KCNV2: variants seen among roughly 807,000 people sequenced by gnomAD.
The protein encoded by KCNV2 is potassium voltage-gated channel modifier subfamily V member 2, also known as potassium voltage-gated channel subfamily V member 2.
KCNV2 carries 65 observed loss-of-function variants against 37.0 expected under a neutral mutation model. The observed-to-expected ratio is 1.76, with a 90% CI of 1.44 to 2.16. The LOEUF (loss-of-function observed/expected upper bound fraction) is 2.16. Ranked by LOEUF, KCNV2 falls within the 30% of genes most tolerant of loss-of-function variation. KCNV2 has a pLI of 0.00. For missense variants in KCNV2, 1,232 were observed against 766.7 expected, an observed-to-expected ratio of 1.61 and a Z score of -7.17; for synonymous variants, 518 against 328.6, an observed-to-expected ratio of 1.58 and a Z score of -6.23.
chr9:2,719,725 T>C (rs1033348782), intron 1 of KCNV2, among the ~76,000 whole-genome samples: 2 of 152,246 alleles, frequency 1.3e-5, no homozygotes, highest in African/African-American at 4.8e-5. Flanking sequence ...ACAGAGAGTT[T>C]GAATGTGGAC....
Position 2,718,864 on chromosome 9 carries a change from G to A in KCNV2, c.1125G>A (p.Val375=). The A allele has an allele frequency of 6.2e-7, 1 of 1,609,058 alleles. No individual in the cohort carries two copies. The change falls in exon 1 of 2, where the codon GTG becomes GTA. Residue 375 remains valine (V), a synonymous_variant. Transcript: ENST00000382082. ...TVGSVGKVGQ[V]LRVMRLMRIF... is the part of the protein sequence containing the mutation. ...GCAGCGTGGGTAAGGTGGGTCAGGT[G>A]TTGCGCGTCATGCGCCTCATGCGCA...
In KCNV2 at chr9:2,718,550, C is replaced by G. The variant is rs1284525833; in HGVS notation, c.811C>G (p.Leu271Val). The stretch of plus-strand genomic sequence containing the variant: ...CGGGGTGGCCTCCAGCACCTTCGTG[C>G]TCGTCTCCGTGGTGGCGCTGGCGCT... The part of the protein sequence containing the change: ...AIGVASSTFV[L>V]VSVVALALNT... The change falls in exon 1 of 2, where the codon CTC becomes GTC. Residue 271 changes from leucine to valine, a missense_variant. Leu to Val is a conservative substitution (Grantham distance 32). Transcript: ENST00000382082. The G allele has an allele frequency of 2.5e-6, 4 of 1,611,958 alleles. No individual in the cohort carries two copies. In the African/African-American group the frequency reaches 5.3e-5, roughly 22 times the overall value.
chr9:2,718,800 G>T lies in KCNV2; in HGVS notation c.1061G>T (p.Cys354Phe). 6.2e-7 allele frequency: 1 copy of T among 1,610,498 alleles called. No homozygotes were observed. The highest frequency in any genetic ancestry group is 8.5e-7 in the Non-Finnish European group (1 of 1,179,904). ...LPLYLQLLLE[C>F]FTGEGHQRGQ... ...CTCTACCTTCAGCTGCTGCTCGAGTGCTTCACGGGCGAGGGCCACCAACGC... is the reference window on the plus strand; with the variant it reads ...CTCTACCTTCAGCTGCTGCTCGAGTTCTTCACGGGCGAGGGCCACCAACGC... Residue 354 changes from cysteine (C) to phenylalanine (F), a missense_variant, in exon 1 of 2, where the codon TGC (cysteine) becomes TTC (phenylalanine). By Grantham distance (205) the Cys-to-Phe change is radical. Transcript: ENST00000382082.
chr9:2,717,869 C>T lies in KCNV2; in HGVS notation c.130C>T (p.His44Tyr), dbSNP rs527441501. The change falls in exon 1 of 2, where the codon CAC becomes TAC. Residue 44 changes from histidine to tyrosine, a missense_variant. Physicochemically the swap from His to Tyr is moderately conservative, Grantham distance 83. Transcript: ENST00000382082. The part of the protein sequence containing the change: ...GARSGSQASI[H>Y]GWTEGNYNYY... ...CCGTTCCGGCTCCCAGGCCAGCATC[C>T]ACGGCTGGACAGAGGGCAACTATAA... is the stretch of plus-strand genomic sequence containing the variant. 1.7e-5 allele frequency: 27 copies of T among 1,614,180 alleles called. No homozygotes were observed. The highest frequency in any genetic ancestry group is 1.0e-4 in the Admixed American group (6 of 60,030).
At chr9:2,728,388 T>G (rs1303281425) in intron 1 of KCNV2, among the ~76,000 whole-genome samples, 2 of 152,172 alleles carry the variant, frequency 1.3e-5, no homozygotes, top group African/African-American at 4.8e-5. Context: ...TCTAGTAATT[T>G]AGCCAATACT....
At position 2,718,116 on chromosome 9, in the gene KCNV2, T is replaced by A. The variant is rs776275880; in HGVS notation, c.377T>A (p.Leu126Gln). 1.6e-5 allele frequency: 26 copies of A among 1,601,708 alleles called. No homozygotes were observed. The highest frequency in any genetic ancestry group is 2.2e-5 in the Non-Finnish European group (26 of 1,174,600). The stretch of plus-strand genomic sequence containing the variant: ...TTCCCCAAGACGCGCCTAGGTCGCC[T>A]GGCCACCTCCACCAGCCGCAGCCGC... ...AGFPKTRLGR[L>Q]ATSTSRSRQL... Residue 126 changes from leucine to glutamine, a missense_variant, in exon 1 of 2, where the codon CTG (leucine) becomes CAG (glutamine). By Grantham distance (113) the Leu-to-Gln change is moderately radical. Transcript: ENST00000382082.
chr9:2,728,330 A>C (rs745885119), intron 1 of KCNV2, among the ~76,000 whole-genome samples: 3 of 152,204 alleles, frequency 2.0e-5, no homozygotes, highest in Non-Finnish European at 4.4e-5. Context: ...GGAGTAGTGC[A>C]ACGCAAAAAT....
At position 2,717,566 on chromosome 9, in the gene KCNV2, G is replaced by T. The variant is rs1006883417; in HGVS notation, c.-174G>T. The T allele has an allele frequency of 2.7e-6, 2 of 746,454 alleles. No individual in the cohort carries two copies. The highest frequency in any genetic ancestry group is 4.5e-6 in the Non-Finnish European group (2 of 447,904). The allele number at this position is 746,454 out of a possible 1,614,324, so 46.2% of individuals were successfully genotyped here. ...CTGCAGGCTGGGCTGGCCTGCCCAG[G>T]ACCTGAGAAGGGGCAGCTCCGGTGG... On this transcript the variant is annotated 5_prime_UTR_variant, in exon 1 of 2. Transcript: ENST00000382082.
chr9:2,720,162 A>G (rs1449426114), intron 1 of KCNV2, among the ~76,000 whole-genome samples: 1 of 152,256 alleles, frequency 6.6e-6, no homozygotes, highest in Non-Finnish European at 1.5e-5. Context: ...TGTGTATGTC[A>G]TAACCCATAG....
rs371248089 is a variant in KCNV2 at position 2,718,652 on chromosome 9, G to T, written c.913G>T (p.Val305Leu). ...AGACCTGCGGCCCATCCTGGAGCAC[G>T]TGGAGATGCTGTGCATGGGCTTCTT... is the stretch of plus-strand genomic sequence containing the variant. ...GPDLRPILEH[V>L]EMLCMGFFTL... Residue 305 changes from valine (V) to leucine (L), a missense_variant, in exon 1 of 2, where the codon GTG (valine) becomes TTG (leucine). Val to Leu is a conservative substitution (Grantham distance 32). Coordinates refer to ENST00000382082, the MANE Select transcript of KCNV2 (RefSeq NM_133497.4). The T allele has an allele frequency of 6.2e-7, 1 of 1,613,330 alleles. No homozygotes were observed. The highest frequency in any genetic ancestry group is 2.2e-5 in the East Asian group (1 of 44,856).
chr9:2,718,201 C>T lies in KCNV2; in HGVS notation c.462C>T (p.Asp154=), dbSNP rs1379469932. 3 of 1,613,498 alleles carry T rather than the reference C, an allele frequency of 1.9e-6. No individual in the cohort carries two copies. The highest frequency in any genetic ancestry group is 3.3e-5 in the Admixed American group (2 of 59,992). The change falls in exon 1 of 2, where the codon GAC becomes GAT. Residue 154 remains aspartate, a synonymous_variant. Transcript: ENST00000382082. ...EQTDEYFFDR[D]PAVFQLVYNF... is the part of the protein sequence containing the mutation. ...CAGACGAATACTTCTTCGACCGCGA[C>T]CCGGCCGTCTTCCAGCTGGTCTACA...
At chr9:2,724,709 A>C (rs1311975171) in intron 1 of KCNV2, among the ~76,000 whole-genome samples, 1 of 152,216 alleles carries the variant, frequency 6.6e-6, no homozygotes, top group African/African-American at 2.4e-5. Flanking sequence ...GGAGGAATGA[A>C]GGCAGAAACC....
rs749403107 is a variant in KCNV2, at chr9:2,718,049, G to C, written c.310G>C (p.Gly104Arg). The C allele has an allele frequency of 1.2e-6, 2 of 1,609,168 alleles. No individual in the cohort carries two copies. Among genetic ancestry groups the C allele is most frequent in the African/African-American group, 2.7e-5 (2 of 74,888 alleles). ...ALLSTLNVNV[G>R]GHSYQLDYCE... ...GCTGTCCACGCTGAATGTGAACGTG[G>C]GTGGCCACAGCTACCAGCTGGACTA... Residue 104 changes from glycine (G) to arginine (R), a missense_variant, in exon 1 of 2, where the codon GGT (glycine) becomes CGT (arginine). By Grantham distance (125) the Gly-to-Arg change is moderately radical. Transcript: ENST00000382082.
rs1004377553 is a variant in KCNV2, at chr9:2,729,847, C to T, written c.*120C>T. On this transcript the variant is annotated 3_prime_UTR_variant, in exon 2 of 2. Transcript: ENST00000382082. ...AAGCAGACATACACAAAGGCCATTT[C>T]GTTCACAAAGTACTGCCTCTAGAAA... 6.6e-6 allele frequency: 7 copies of T among 1,058,908 alleles called. No individual in the cohort carries two copies. The highest frequency in any genetic ancestry group is 6.3e-5 in the African/African-American group (4 of 63,034). The allele number at this position is 1,058,908 out of a possible 1,614,324, so 65.6% of individuals were successfully genotyped here. A position where few individuals can be genotyped will look rare whatever the true frequency, so the allele number is the denominator to read the frequency against.
chr9:2,722,578 TATAAATTAGAAGTTATTTATTTATAA>T (rs1412791772), intron 1 of KCNV2, among the ~76,000 whole-genome samples: 1,516 of 139,192 alleles, frequency 0.011, 139 homozygotes, highest in African/African-American at 0.031. Flanking sequence ...GTTATTTATT[TATAAATTAGAAGTTATTTATTTATAA>T]ATAAATTAGA....
At chr9:2,728,881 T>TA (rs60674628) in intron 1 of KCNV2, among the ~76,000 whole-genome samples, 6,062 of 98,362 alleles carry the variant, frequency 0.062, 291 homozygotes, top group African/African-American at 0.16. Flanking sequence ...CTGTTTTAAA[T>TA]AAAAAAAAAA....
In KCNV2 at chr9:2,718,457, G is replaced by C. The variant is rs760387745; in HGVS notation, c.718G>C (p.Gly240Arg). ...ACTCTTCCGCGACATGCGCTTCTACGGCCCGCAGCGGCGCCGCCTCTGGAA... is the reference window on the plus strand; with the variant it reads ...ACTCTTCCGCGACATGCGCTTCTACCGCCCGCAGCGGCGCCGCCTCTGGAA... ...EELFRDMRFY[G>R]PQRRRLWNLM... The change falls in exon 1 of 2, where the codon GGC (glycine) becomes CGC (arginine). Residue 240 changes from glycine (G) to arginine (R), a missense_variant. By Grantham distance (125) the Gly-to-Arg change is moderately radical (BLOSUM62 -2). Coordinates refer to ENST00000382082, the MANE Select transcript of KCNV2 (RefSeq NM_133497.4). 5 of 1,607,900 alleles carry C rather than the reference G, an allele frequency of 3.1e-6. No homozygotes were observed. The highest frequency in any genetic ancestry group is 2.2e-5 in the East Asian group (1 of 44,592).
intron 1 of KCNV2, among the ~76,000 whole-genome samples, chr9:2,724,561 A>C (rs921881981): frequency 3.9e-5 from 6 of 152,220 alleles, no homozygotes; most frequent in African/African-American, 1.4e-4. Context: ...AATAAATGGG[A>C]AAAGGTGTTG....
chr9:2,726,868 C>T (rs1350003842), intron 1 of KCNV2, among the ~76,000 whole-genome samples: 4 of 152,116 alleles, frequency 2.6e-5, no homozygotes, highest in African/African-American at 4.8e-5. Flanking sequence ...TTGTTAACTG[C>T]GCATGGGAGG....
Sources: gnomAD v4.1 joint callset for allele counts (sites outside exome capture counted in the v4.1 genomes callset) on GRCh38, gnomAD v4.1.1 for gene constraint, MANE v1.5 for transcripts, NCBI Gene and HGNC (gene_info 2026-07-23, HGNC 2026-07-21) for gene names.